The following AFDN variants were observed in gnomAD, a reference collection of about 807,000 sequenced individuals.
AFDN encodes the protein afadin.
AFDN carries 68 observed loss-of-function variants against 216.6 expected under a neutral mutation model. That is an observed-to-expected ratio of 0.31 (90% CI 0.26 to 0.38). The LOEUF is 0.38. Among genes scored for constraint, AFDN ranks in the 10% least tolerant of loss-of-function variants. The probability of loss-of-function intolerance (pLI) is 1.00; values close to 1 mark genes in which losing one functional copy is unlikely to be tolerated. For missense variants in AFDN, 2,136 were observed against 2,342.0 expected, an observed-to-expected ratio of 0.91 and a Z score of 1.82; for synonymous variants, 868 against 853.7, an observed-to-expected ratio of 1.02 and a Z score of -0.29.
chr6:167,924,586 C>T (rs1274325923), intron 22 of AFDN, among the ~76,000 whole-genome samples: 2 of 152,110 alleles, frequency 1.3e-5, no homozygotes, highest in Admixed American at 1.3e-4. Flanking sequence ...TTTTGCAGTC[C>T]TCCCCGTGGA....
At chr6:167,912,353 A>T (rs1228867746) in intron 15 of AFDN, among the ~76,000 whole-genome samples, 1 of 152,224 alleles carries the variant, frequency 6.6e-6, no homozygotes. Context: ...CTAGTTATAT[A>T]ATGTTAATAA....
chr6:167,905,283 C>G (rs148286942), intron 12 of AFDN, among the ~76,000 whole-genome samples: 1 of 152,236 alleles, frequency 6.6e-6, no homozygotes, highest in Non-Finnish European at 1.5e-5. Context: ...CTGTTTCATA[C>G]GTCATTGCTG....
At position 167,856,046 on chromosome 6, in the gene AFDN, A is replaced by G. The variant is rs148141923; in HGVS notation, c.106-8505A>G. Among the ~76,000 whole-genome samples the G allele has an allele frequency of 3.5e-3, 535 of 152,250 alleles. 5 individuals are homozygous for G. Among genetic ancestry groups the G allele is most frequent in the African/African-American group, 0.012 (498 of 41,552 alleles). Reference sequence around the variant, plus strand: ...TGATGAAACCTCTGGCTGTCCAGCTATGTTCCACCCGGGATGTGAATCATC... The same window carrying G: ...TGATGAAACCTCTGGCTGTCCAGCTGTGTTCCACCCGGGATGTGAATCATC... On this transcript the variant is annotated intron_variant, in intron 1 of 33. Transcript: ENST00000683244.
At chr6:167,837,601 C>G (rs1288916220) in intron 1 of AFDN, among the ~76,000 whole-genome samples, 1 of 152,124 alleles carries the variant, frequency 6.6e-6, no homozygotes, top group Admixed American at 6.6e-5. Context: ...ATATACCTGA[C>G]ATTAGTGTAA....
At chr6:167,877,805 A>AT (rs34800585) in intron 5 of AFDN, among the ~76,000 whole-genome samples, 2 of 152,028 alleles carry the variant, frequency 1.3e-5, no homozygotes, top group Non-Finnish European at 2.9e-5. Flanking sequence ...TGTGTCTGTT[A>AT]TTTTTTTCTC....
At chr6:167,917,046 CTT>C (rs980714119) in intron 19 of AFDN, 41 bp from the exon 20 acceptor site, 8 of 1,561,886 alleles carry the variant, frequency 5.1e-6, no homozygotes, top group Middle Eastern at 1.7e-4. Context: ...TTTGAAATAA[CTT>C]TACAAGTGTG....
At chr6:167,842,000 A>T (rs899786023) in intron 1 of AFDN, among the ~76,000 whole-genome samples, 2 of 146,810 alleles carry the variant, frequency 1.4e-5, no homozygotes, top group African/African-American at 5.1e-5. Context: ...TTTTTTAATT[A>T]AAAAAAAAAC....
intron 27 of AFDN, 149 bp from the exon 28 acceptor site, chr6:167,947,704 T>C: frequency 1.8e-6 from 1 of 564,186 alleles, no homozygotes; most frequent in Non-Finnish European, 3.1e-6. Context: ...AGACCTGATT[T>C]CTTACCTGCC....
chr6:167,913,614 A>G, intron 16 of AFDN, 191 bp downstream of exon 16: 1 of 581,316 alleles, frequency 1.7e-6, no homozygotes, highest in Non-Finnish European at 3.0e-6. Context: ...TTTCTGCTTA[A>G]TGCACTTCAG....
intron 9 of AFDN, among the ~76,000 whole-genome samples, chr6:167,894,759 CT>C (rs1306658243): frequency 1.3e-5 from 2 of 152,158 alleles, no homozygotes; most frequent in Admixed American, 6.5e-5. Flanking sequence ...GCTTCTGTCT[CT>C]CCCTTTCTCT....
intron 23 of AFDN, among the ~76,000 whole-genome samples, chr6:167,932,224 A>G (rs1388739200): frequency 1.3e-5 from 2 of 151,866 alleles, no homozygotes; most frequent in South Asian, 2.1e-4. Context: ...TTCCTTTTCT[A>G]AATTGGTGTA....
intron 33 of AFDN, 94 bp downstream of exon 33, chr6:167,969,292 T>C: frequency 2.1e-6 from 2 of 942,824 alleles, no homozygotes; most frequent in East Asian, 2.5e-5. Flanking sequence ...ACAGACTTCA[T>C]GGCTTCACTC....
chr6:167,901,689 G>A (rs796440988), intron 11 of AFDN, among the ~76,000 whole-genome samples: 9 of 152,090 alleles, frequency 5.9e-5, no homozygotes, highest in Admixed American at 3.3e-4. Context: ...TAGGGCCGCC[G>A]GCACTTCAAC....
intron 1 of AFDN, among the ~76,000 whole-genome samples, chr6:167,860,667 A>G (rs1045714261): frequency 7.2e-5 from 11 of 152,310 alleles, no homozygotes; most frequent in African/African-American, 2.2e-4. Context: ...TTGAAATGTG[A>G]ACCTGTTCAT....
intron 23 of AFDN, among the ~76,000 whole-genome samples, chr6:167,930,001 C>T (rs995753244): frequency 1.3e-5 from 2 of 152,008 alleles, no homozygotes; most frequent in African/African-American, 2.4e-5. Context: ...CCCAGGAGTT[C>T]GAGACCAGTC....
At chr6:167,845,279 TAAAC>T (rs968255225) in intron 1 of AFDN, among the ~76,000 whole-genome samples, 2 of 152,264 alleles carry the variant, frequency 1.3e-5, no homozygotes, top group African/African-American at 4.8e-5. Flanking sequence ...CCTTTTTAAA[TAAAC>T]ATTTTGATGT....
chr6:167,937,201 C>A (rs753414379), intron 23 of AFDN, among the ~76,000 whole-genome samples: 1 of 152,052 alleles, frequency 6.6e-6, no homozygotes, highest in Non-Finnish European at 1.5e-5. Flanking sequence ...GCCCGAATGC[C>A]GACCAAAATG....
At position 167,862,171 on chromosome 6, in the gene AFDN, G is replaced by A. The variant is rs143870855; in HGVS notation, c.106-2380G>A. 4.4e-3 allele frequency among the ~76,000 whole-genome samples: 670 copies of A among 152,180 alleles called. 6 individuals carry two copies. The highest frequency in any genetic ancestry group is 0.015 in the African/African-American group (638 of 41,502). On this transcript the variant is annotated intron_variant, in intron 1 of 33. Coordinates refer to ENST00000683244, the MANE Select transcript of AFDN (RefSeq NM_001386888.1). Reference sequence around the variant, plus strand: ...TTAGGAGTCCGTGGAAGGGGGTAGCGGCAGATGCTTGAATGATTCCAAGAG... The same window carrying A: ...TTAGGAGTCCGTGGAAGGGGGTAGCAGCAGATGCTTGAATGATTCCAAGAG...
intron 8 of AFDN, 168 bp from the exon 9 acceptor site, chr6:167,893,694 C>T (rs1427943938): frequency 1.6e-5 from 10 of 616,070 alleles, no homozygotes; most frequent in African/African-American, 1.1e-4. Flanking sequence ...TAGTCTTGTC[C>T]TCACAAAAGC....
Sources: gnomAD v4.1 joint callset for allele counts (sites outside exome capture counted in the v4.1 genomes callset) on GRCh38, gnomAD v4.1.1 for gene constraint, MANE v1.5 for transcripts, NCBI Gene and HGNC (gene_info 2026-07-23, HGNC 2026-07-21) for gene names.